Variants in KIF16B observed in about 807,000 individuals in gnomAD.
The protein encoded by KIF16B is kinesin-like protein KIF16B.
Under a neutral mutation model 156.3 loss-of-function variants are expected in KIF16B, and 98 were observed. That is an observed-to-expected ratio of 0.63 (90% CI 0.53 to 0.74). The LOEUF (loss-of-function observed/expected upper bound fraction) is 0.74, where lower values mean the gene tolerates loss of function less well. Ranked by LOEUF, KIF16B falls within the 30% of genes least tolerant of loss-of-function variation. The probability of loss-of-function intolerance (pLI) is 0.00; values close to 1 mark genes in which losing one functional copy is unlikely to be tolerated. For missense variants in KIF16B, 1,421 were observed against 1,606.5 expected (o/e 0.88, Z 1.97); for synonymous variants, 564 against 583.7 (o/e 0.97, Z 0.49).
intron 12 of KIF16B, among the ~76,000 whole-genome samples, chr20:16,483,672 G>A (rs1045488600): frequency 7.2e-5 from 11 of 152,140 alleles, no homozygotes; most frequent in Admixed American, 1.3e-4. Flanking sequence ...GCATCTTGCA[G>A]TGAGGTTCTG....
intron 2 of KIF16B, among the ~76,000 whole-genome samples, chr20:16,527,787 C>T (rs1004123562): frequency 1.3e-5 from 2 of 152,064 alleles, no homozygotes; most frequent in Admixed American, 6.5e-5. Flanking sequence ...CCCTCCTCAG[C>T]GAAAAGCATT....
intron 25 of KIF16B, among the ~76,000 whole-genome samples, chr20:16,282,252 C>T (rs1354034928): frequency 6.6e-6 from 1 of 151,834 alleles, no homozygotes; most frequent in African/African-American, 2.4e-5. Context: ...AGGCTGGCCT[C>T]GAACCCCTGA....
rs117810877 is a variant in KIF16B at position 16,563,342 on chromosome 20, G to A, written c.47+9887C>T. On this transcript the variant is annotated intron_variant, in intron 1 of 25. Transcript: ENST00000354981. Reference sequence around the variant, plus strand: ...TCCCCTGTCTTTTTATAACCTGAACGTGAGGAAAGGCAGTCAAAGCCACCA... The same window carrying A: ...TCCCCTGTCTTTTTATAACCTGAACATGAGGAAAGGCAGTCAAAGCCACCA... Among the ~76,000 whole-genome samples, 1,043 of 152,236 alleles carry A rather than the reference G, an allele frequency of 6.9e-3. 5 individuals are homozygous for A. Among genetic ancestry groups the A allele is most frequent in the Non-Finnish European group, 0.011 (719 of 68,016 alleles).
chr20:16,342,039 G>T (rs1199572947), intron 23 of KIF16B, among the ~76,000 whole-genome samples: 1 of 152,118 alleles, frequency 6.6e-6, no homozygotes, highest in Non-Finnish European at 1.5e-5. Flanking sequence ...CTCCTGCTCA[G>T]CCCCCAGGGT....
At chr20:16,493,163 T>C (rs1342805608) in intron 12 of KIF16B, among the ~76,000 whole-genome samples, 1 of 152,168 alleles carries the variant, frequency 6.6e-6, no homozygotes, top group Non-Finnish European at 1.5e-5. Context: ...CTTGTTGCAG[T>C]ACATAAGAAG....
intron 10 of KIF16B, among the ~76,000 whole-genome samples, chr20:16,504,008 T>C (rs545364015): frequency 6.6e-6 from 1 of 152,352 alleles, no homozygotes; most frequent in East Asian, 1.9e-4. Flanking sequence ...TTAAAACACA[T>C]TTTAAAGTCA....
At chr20:16,505,632 T>C (rs2068751207) in intron 9 of KIF16B, 90 bp downstream of exon 9, 1 of 1,160,182 alleles carries the variant, frequency 8.6e-7, no homozygotes, top group Non-Finnish European at 1.2e-6. Flanking sequence ...TAAAAGGTGC[T>C]ATTTCCTAAT....
intron 25 of KIF16B, among the ~76,000 whole-genome samples, chr20:16,274,213 A>G (rs531116635): frequency 8.9e-4 from 135 of 152,342 alleles, no homozygotes; most frequent in Middle Eastern, 6.8e-3. Flanking sequence ...ACTGAGGACA[A>G]GAGGGTCAGT....
At chr20:16,376,146 GT>G (rs575647603) in intron 19 of KIF16B, among the ~76,000 whole-genome samples, 1 of 152,168 alleles carries the variant, frequency 6.6e-6, no homozygotes, top group Non-Finnish European at 1.5e-5. Context: ...ATTCTTCATG[GT>G]TTTCATCATG....
Position 16,371,747 on chromosome 20 carries a change from A to T in KIF16B, c.3365T>A (p.Ile1122Asn). The T allele has an allele frequency of 6.2e-7, 1 of 1,612,950 alleles. No homozygotes were observed. The highest frequency in any genetic ancestry group is 8.5e-7 in the Non-Finnish European group (1 of 1,178,970). The change falls in exon 21 of 26, where the codon ATT becomes AAT. Residue 1122 changes from isoleucine (I) to asparagine (N), a missense_variant. Coordinates refer to ENST00000354981, the MANE Select transcript of KIF16B (RefSeq NM_024704.5). ...PLMDARINAYIEEEVQRRLQD... is the reference protein window; with the variant it reads ...PLMDARINAYNEEEVQRRLQD... The stretch of plus-strand genomic sequence containing the variant: ...AAGGCGTCTTTGGACTTCTTCTTCA[A>T]TGTAAGCATTGATCCTGTAACACAA...
chr20:16,409,465 G>C (rs1354630678), intron 15 of KIF16B, among the ~76,000 whole-genome samples: 1 of 152,044 alleles, frequency 6.6e-6, no homozygotes, highest in Admixed American at 6.6e-5. Flanking sequence ...GAAGGGCTCT[G>C]TGCAGCAGCA....
At position 16,371,660 on chromosome 20, in the gene KIF16B, C is replaced by G; in HGVS notation, c.3447+5G>C. 1 of 1,595,688 alleles carries G rather than the reference C, an allele frequency of 6.3e-7. No individual in the cohort carries two copies. Among genetic ancestry groups the G allele is most frequent in the Non-Finnish European group, 8.6e-7 (1 of 1,164,696 alleles). ...ACTTCGTGTTACTTGGCTCCTTCAG[C>G]TTACCTTCATCGTGTCTGCAGATGT... is the stretch of plus-strand genomic sequence containing the variant. On this transcript the variant is annotated splice_donor_5th_base_variant and intron_variant, in intron 21 of 25. Coordinates refer to ENST00000354981, the MANE Select transcript of KIF16B (RefSeq NM_024704.5).
At chr20:16,375,118 G>A (rs190880076) in intron 19 of KIF16B, among the ~76,000 whole-genome samples, 1 of 152,274 alleles carries the variant, frequency 6.6e-6, no homozygotes, top group Non-Finnish European at 1.5e-5. Context: ...GAGGTCAAAT[G>A]TGTGTAAGGT....
chr20:16,331,834 A>G (rs1243145635), intron 24 of KIF16B, among the ~76,000 whole-genome samples: 1 of 152,180 alleles, frequency 6.6e-6, no homozygotes, highest in Non-Finnish European at 1.5e-5. Flanking sequence ...CACTTGGAGG[A>G]GCAGATTAGC....
At chr20:16,399,230 T>C (rs1015520938) in intron 17 of KIF16B, among the ~76,000 whole-genome samples, 7 of 152,040 alleles carry the variant, frequency 4.6e-5, no homozygotes, top group Admixed American at 4.6e-4. Context: ...ACTATGTAGG[T>C]ACCCTAGGAG....
chr20:16,511,643 T>A (rs928447719), intron 5 of KIF16B, 116 bp from the exon 6 acceptor site: 2 of 625,762 alleles, frequency 3.2e-6, no homozygotes, highest in Admixed American at 5.2e-5. Flanking sequence ...AGTTACCATT[T>A]ATGAGTGGTG....
chr20:16,569,972 G>C (rs1214979267), intron 1 of KIF16B, among the ~76,000 whole-genome samples: 1 of 85,382 alleles, frequency 1.2e-5, no homozygotes, highest in Non-Finnish European at 2.5e-5. Context: ...AGATGAATCT[G>C]TGTGTGTGTG....
intron 15 of KIF16B, among the ~76,000 whole-genome samples, chr20:16,410,185 G>T (rs1401517205): frequency 4.3e-5 from 6 of 140,612 alleles, no homozygotes; most frequent in African/African-American, 1.6e-4. Flanking sequence ...ATATATGTAG[G>T]TACATATACA....
chr20:16,296,846 G>C (rs921612985), intron 25 of KIF16B, among the ~76,000 whole-genome samples: 2 of 152,206 alleles, frequency 1.3e-5, no homozygotes, highest in Non-Finnish European at 2.9e-5. Context: ...GGGTGTTTTT[G>C]GATGAGATTA....
Sources: allele counts gnomAD v4.1 joint callset (sites outside exome capture counted in the v4.1 genomes callset), GRCh38; gene constraint gnomAD v4.1.1; transcripts MANE v1.5; gene names NCBI Gene and HGNC (gene_info 2026-07-23, HGNC 2026-07-21).